CNTN4: variants seen among roughly 807,000 people sequenced by gnomAD.
The protein encoded by CNTN4 is contactin 4.
A neutral mutation model predicts 122.5 loss-of-function variants in CNTN4; 77 were observed. That is an observed-to-expected ratio of 0.63 (90% confidence interval 0.52 to 0.76). The LOEUF is 0.76. Ranked by LOEUF, CNTN4 falls within the 30% of genes least tolerant of loss-of-function variation. CNTN4 has a pLI of 0.00. For missense variants in CNTN4, 1,256 were observed against 1,259.1 expected (o/e 1.00, Z 0.04); for synonymous variants, 512 against 447.0 (o/e 1.15, Z -1.83).
chr3:2,507,062 A>T (rs2076748960), intron 3 of CNTN4, among the ~76,000 whole-genome samples: 1 of 152,222 alleles, frequency 6.6e-6, no homozygotes, highest in Non-Finnish European at 1.5e-5. Context: ...CGTCTAAAAT[A>T]ACTTCCAAGG....
At chr3:2,537,217 C>G (rs943598067) in intron 3 of CNTN4, among the ~76,000 whole-genome samples, 2 of 152,060 alleles carry the variant, frequency 1.3e-5, no homozygotes, top group Non-Finnish European at 2.9e-5. Context: ...GTCACACAGA[C>G]AGTTGGAATA....
At chr3:2,904,545 G>A (rs2094208984) in intron 12 of CNTN4, among the ~76,000 whole-genome samples, 1 of 152,182 alleles carries the variant, frequency 6.6e-6, no homozygotes. Flanking sequence ...GGCATAGATA[G>A]CATCAGCATG....
intron 6 of CNTN4, among the ~76,000 whole-genome samples, chr3:2,819,284 G>A (rs2150241389): frequency 1.3e-5 from 2 of 152,236 alleles, no homozygotes; most frequent in Middle Eastern, 6.8e-3. Flanking sequence ...GTGGTAAGTA[G>A]ATATTTTAGT....
intron 7 of CNTN4, among the ~76,000 whole-genome samples, chr3:2,830,332 C>T (rs2093076968): frequency 6.6e-6 from 1 of 152,170 alleles, no homozygotes; most frequent in Non-Finnish European, 1.5e-5. Flanking sequence ...AGGTTTGATC[C>T]TTAGAACTGG....
At chr3:2,344,171 C>G (rs999869626) in intron 3 of CNTN4, among the ~76,000 whole-genome samples, 1 of 152,134 alleles carries the variant, frequency 6.6e-6, no homozygotes, top group African/African-American at 2.4e-5. Flanking sequence ...AACATCCAAA[C>G]TATATCAGTG....
chr3:3,048,799 C>T (rs58788689), intron 23 of CNTN4, among the ~76,000 whole-genome samples: 101 of 152,040 alleles, frequency 6.6e-4, no homozygotes, highest in African/African-American at 2.4e-3. Flanking sequence ...GGTTTATTTT[C>T]CCTTCTTCAC....
chr3:2,625,555 G>A (rs953682332), intron 4 of CNTN4, among the ~76,000 whole-genome samples: 1 of 152,024 alleles, frequency 6.6e-6, no homozygotes, highest in Non-Finnish European at 1.5e-5. Flanking sequence ...TTTGCCACAT[G>A]TATCTCCCAA....
At chr3:2,456,851 G>A (rs1012790046) in intron 3 of CNTN4, among the ~76,000 whole-genome samples, 7 of 152,100 alleles carry the variant, frequency 4.6e-5, no homozygotes, top group African/African-American at 1.7e-4. Context: ...GTATTTGCTT[G>A]AGGAACTGTT....
chr3:3,042,748 C>T (rs1700279519), intron 21 of CNTN4: 6 of 598,388 alleles, frequency 1.0e-5, no homozygotes, highest in South Asian at 2.0e-5. Flanking sequence ...TAATGAACGA[C>T]GGTTGTGTCA....
chr3:2,417,805 AAG>A (rs1411540160), intron 3 of CNTN4, among the ~76,000 whole-genome samples: 10 of 152,232 alleles, frequency 6.6e-5, no homozygotes, highest in Non-Finnish European at 1.5e-4. Context: ...TGGCACTAAA[AAG>A]AAATGAGCTA....
chr3:3,017,301 A>G (rs1336984425), intron 14 of CNTN4, among the ~76,000 whole-genome samples: 2 of 152,240 alleles, frequency 1.3e-5, no homozygotes, highest in Non-Finnish European at 2.9e-5. Flanking sequence ...TCCTCAATGG[A>G]AAACAAATCT....
At chr3:2,117,451 A>G (rs1215392536) in intron 2 of CNTN4, among the ~76,000 whole-genome samples, 1 of 152,156 alleles carries the variant, frequency 6.6e-6, no homozygotes, top group Non-Finnish European at 1.5e-5. Flanking sequence ...TGGGAGCTTC[A>G]TTAGGTAGGC....
chr3:2,733,585 G>T (rs145373432), intron 4 of CNTN4, among the ~76,000 whole-genome samples: 3 of 144,198 alleles, frequency 2.1e-5, no homozygotes, highest in African/African-American at 8.3e-5. Flanking sequence ...CTGGGCTGGA[G>T]TTCAGTGGTG....
intron 3 of CNTN4, among the ~76,000 whole-genome samples, chr3:2,516,029 G>T (rs1201547336): frequency 2.0e-5 from 3 of 152,086 alleles, no homozygotes; most frequent in African/African-American, 4.8e-5. Context: ...TCAGATCAGG[G>T]TAGTGTTATG....
chr3:2,457,401 A>G (rs907561616), intron 3 of CNTN4, among the ~76,000 whole-genome samples: 6 of 152,180 alleles, frequency 3.9e-5, no homozygotes, highest in East Asian at 1.9e-4. Flanking sequence ...ACAAGCCCCA[A>G]GCTTCATAGC....
chr3:2,705,664 TA>T (rs1413056715), intron 4 of CNTN4, among the ~76,000 whole-genome samples: 3 of 92,278 alleles, frequency 3.3e-5, no homozygotes, highest in South Asian at 3.8e-4. Flanking sequence ...ATATTATATA[TA>T]TTTATATATT....
rs568300034 is a variant in CNTN4, at chr3:2,699,501, C to T, written c.56-36714C>T. On this transcript the variant is annotated intron_variant, in intron 4 of 24. Transcript: ENST00000418658. ...CAGGTGTAAATTGAGAATAGATTTG[C>T]ACCTAAGTCTTCTTTGGTTGATTTC... Among the ~76,000 whole-genome samples, 5 of 152,310 alleles carry T rather than the reference C, an allele frequency of 3.3e-5. No homozygotes were observed. The South Asian group carries it at 1.0e-3, about 32-fold the overall frequency.
At chr3:2,930,857 G>A (rs1220702614) in intron 13 of CNTN4, among the ~76,000 whole-genome samples, 3 of 152,192 alleles carry the variant, frequency 2.0e-5, no homozygotes, top group East Asian at 1.9e-4. Flanking sequence ...TCATAGACTA[G>A]CGCAGAGGCC....
intron 4 of CNTN4, among the ~76,000 whole-genome samples, chr3:2,580,825 A>G (rs545524242): frequency 2.6e-4 from 40 of 152,292 alleles, no homozygotes; most frequent in African/African-American, 8.9e-4. Flanking sequence ...ACTCAAAACA[A>G]CCCTCTGGGA....
Sources: allele counts gnomAD v4.1 joint callset (sites outside exome capture counted in the v4.1 genomes callset), GRCh38; gene constraint gnomAD v4.1.1; transcripts MANE v1.5; gene names NCBI Gene and HGNC (gene_info 2026-07-23, HGNC 2026-07-21).